Variants in RELN observed in about 807,000 individuals in gnomAD.
RELN encodes the protein reelin.
A neutral mutation model predicts 427.6 loss-of-function variants in RELN; 108 were observed. The ratio of observed to expected loss-of-function variants is 0.25; its 90% CI spans 0.22 to 0.30. The LOEUF (loss-of-function observed/expected upper bound fraction) is 0.30. Ranked by LOEUF, RELN falls within the 10% of genes least tolerant of loss-of-function variation. RELN has a pLI of 1.00. For missense variants in RELN, 3,715 were observed against 4,302.8 expected (o/e 0.86, Z 3.82); for synonymous variants, 1,524 against 1,513.4 (o/e 1.01, Z -0.16).
chr7:103,630,274 G>T (rs1221963135), intron 19 of RELN, 98 bp from the exon 20 acceptor site: 1 of 828,104 alleles, frequency 1.2e-6, no homozygotes, highest in Non-Finnish European at 2.0e-6. Context: ...TAGTATTAAA[G>T]AAATAGTTCT....
At chr7:103,537,621 C>A (rs978682341) in intron 45 of RELN, among the ~76,000 whole-genome samples, 11 of 152,164 alleles carry the variant, frequency 7.2e-5, no homozygotes, top group African/African-American at 2.7e-4. Flanking sequence ...TGCAGGTTGA[C>A]CATGTGATAA....
chr7:103,491,767 T>G (rs1262789243), intron 58 of RELN, among the ~76,000 whole-genome samples, 186 bp downstream of exon 58: 1 of 150,110 alleles, frequency 6.7e-6, no homozygotes, highest in Non-Finnish European at 1.5e-5. Context: ...AGGCGGAGGT[T>G]GCGGTGAGCC....
chr7:103,962,709 C>T (rs1230886196), intron 1 of RELN, among the ~76,000 whole-genome samples: 1 of 151,184 alleles, frequency 6.6e-6, no homozygotes, highest in Non-Finnish European at 1.5e-5. Flanking sequence ...CTAATGAATT[C>T]AGGAGTCTGC....
At chr7:103,686,671 T>A (rs975430604) in intron 10 of RELN, among the ~76,000 whole-genome samples, 6 of 152,182 alleles carry the variant, frequency 3.9e-5, no homozygotes, top group African/African-American at 1.2e-4. Flanking sequence ...GCTACAGCCA[T>A]TGGAAATTGA....
intron 3 of RELN, among the ~76,000 whole-genome samples, chr7:103,781,184 T>C (rs1213361607): frequency 6.6e-6 from 1 of 152,092 alleles, no homozygotes; most frequent in African/African-American, 2.4e-5. Flanking sequence ...GCTCCCTTGC[T>C]TTATCCCATG....
intron 2 of RELN, among the ~76,000 whole-genome samples, chr7:103,862,619 C>A (rs540275550): frequency 6.6e-6 from 1 of 151,970 alleles, no homozygotes; most frequent in Non-Finnish European, 1.5e-5. Flanking sequence ...GGTTCCCACT[C>A]GTATCTCCAG....
intron 25 of RELN, 68 bp downstream of exon 25, chr7:103,596,388 A>T: frequency 7.3e-7 from 1 of 1,364,346 alleles, no homozygotes; most frequent in Non-Finnish European, 1.0e-6. Flanking sequence ...TTTTGGAAAC[A>T]CATCAACAAT....
intron 64 of RELN, 194 bp from the exon 65 acceptor site, chr7:103,473,102 C>A (rs1309762320): frequency 1.4e-6 from 1 of 693,798 alleles, no homozygotes. Context: ...TACTCACTGC[C>A]TTTGGCCTTG....
chr7:103,637,802 A>T (rs1359564264), intron 17 of RELN, among the ~76,000 whole-genome samples: 1 of 152,190 alleles, frequency 6.6e-6, no homozygotes, highest in Non-Finnish European at 1.5e-5. Flanking sequence ...AAGTCAGGAA[A>T]CTGAATGTGT....
chr7:103,931,039 G>C (rs1283788937), intron 1 of RELN, among the ~76,000 whole-genome samples: 1 of 151,986 alleles, frequency 6.6e-6, no homozygotes, highest in Non-Finnish European at 1.5e-5. Flanking sequence ...TGCCCTTCCT[G>C]AGTCTTATAA....
At chr7:103,803,095 G>C (rs1297321045) in intron 3 of RELN, among the ~76,000 whole-genome samples, 3 of 152,054 alleles carry the variant, frequency 2.0e-5, no homozygotes, top group Non-Finnish European at 4.4e-5. Context: ...CCACAGTGTT[G>C]AGTCTGTTTT....
intron 49 of RELN, among the ~76,000 whole-genome samples, chr7:103,517,884 G>A (rs1219205513): frequency 1.3e-5 from 2 of 152,190 alleles, no homozygotes; most frequent in African/African-American, 4.8e-5. Context: ...CTTGCATCTG[G>A]GTGTGGCTAT....
chr7:103,697,868 T>C lies in RELN; in HGVS notation c.1128A>G (p.Pro376=). 1.2e-6 allele frequency: 2 copies of C among 1,613,674 alleles called. No individual in the cohort carries two copies. Among genetic ancestry groups the C allele is most frequent in the Non-Finnish European group, 1.7e-6 (2 of 1,179,740 alleles). Residue 376 remains proline (P), a synonymous_variant, in exon 10 of 65, where the codon CCA becomes CCG. Coordinates refer to ENST00000428762, the MANE Select transcript of RELN (RefSeq NM_005045.4). ...PVDTGNWLFF[P]GATVKHSCQS... The stretch of plus-strand genomic sequence containing the variant: ...GAGCTCTAACCTTAACTGTAGCTCC[T>C]GGGAAGAAAAGCCAGTTGCCTGTGT...
chr7:103,719,292 CTCT>C (rs1171338073), intron 8 of RELN, among the ~76,000 whole-genome samples: 1 of 152,108 alleles, frequency 6.6e-6, no homozygotes, highest in African/African-American at 2.4e-5. Context: ...TTCACTCTGC[CTCT>C]TCACTTGAAA....
intron 10 of RELN, among the ~76,000 whole-genome samples, chr7:103,689,902 G>A (rs933730526): frequency 7.2e-5 from 11 of 152,070 alleles, no homozygotes; most frequent in African/African-American, 2.7e-4. Context: ...TCAGATTGCA[G>A]GATGTGTATT....
At chr7:103,882,356 T>A (rs140958358) in intron 2 of RELN, among the ~76,000 whole-genome samples, 1,563 of 152,280 alleles carry the variant, frequency 0.01, 29 homozygotes, top group African/African-American at 0.035. Flanking sequence ...TATATTACTA[T>A]GACTCTTCAT....
chr7:103,984,028 T>C (rs1797046736), intron 1 of RELN, among the ~76,000 whole-genome samples: 1 of 152,116 alleles, frequency 6.6e-6, no homozygotes, highest in Admixed American at 6.6e-5. Flanking sequence ...AGATATAACA[T>C]AAGTTTCAAA....
intron 6 of RELN, among the ~76,000 whole-genome samples, chr7:103,733,973 A>G (rs1466936253): frequency 6.6e-6 from 1 of 152,196 alleles, no homozygotes; most frequent in Non-Finnish European, 1.5e-5. Context: ...GACCACAAGT[A>G]ATCTGAAATT....
chr7:103,743,250 T>A (rs1021758723), intron 6 of RELN, among the ~76,000 whole-genome samples: 1 of 151,982 alleles, frequency 6.6e-6, no homozygotes, highest in African/African-American at 2.4e-5. Flanking sequence ...CCTAAAAGAG[T>A]TCCTGAAGGA....
Sources: allele counts gnomAD v4.1 joint callset (sites outside exome capture counted in the v4.1 genomes callset), GRCh38; gene constraint gnomAD v4.1.1; transcripts MANE v1.5; gene names NCBI Gene and HGNC (gene_info 2026-07-23, HGNC 2026-07-21).